The following CCDC148 variants were observed in gnomAD, a reference collection of about 807,000 sequenced individuals.
CCDC148 encodes coiled-coil domain containing 148.
CCDC148 carries 89 observed loss-of-function variants against 85.7 expected under a neutral mutation model. The observed-to-expected ratio is 1.04, with a 90% CI of 0.87 to 1.24. The LOEUF is 1.24. Among genes scored for constraint, CCDC148 ranks in the 50% most tolerant of loss-of-function variants. The probability of loss-of-function intolerance (pLI) is 0.00; values close to 1 mark genes in which losing one functional copy is unlikely to be tolerated. For missense variants in CCDC148, 692 were observed against 671.7 expected (o/e 1.03, Z -0.33); for synonymous variants, 230 against 213.9 (o/e 1.08, Z -0.66).
intron 1 of CCDC148, among the ~76,000 whole-genome samples, chr2:158,444,920 G>A (rs527301748): frequency 2.2e-4 from 33 of 151,918 alleles, no homozygotes; most frequent in African/African-American, 6.8e-4. Context: ...AAAGAAGGGG[G>A]GAAACAAAAA....
intron 9 of CCDC148, among the ~76,000 whole-genome samples, chr2:158,275,083 A>G (rs947063707): frequency 6.6e-6 from 1 of 152,208 alleles, no homozygotes; most frequent in African/African-American, 2.4e-5. Context: ...GGAAGAAGAA[A>G]CACTTGCTCT....
chr2:158,384,252 G>A (rs13388895), intron 1 of CCDC148, among the ~76,000 whole-genome samples: 8,769 of 152,162 alleles, frequency 0.058, 484 homozygotes, highest in African/African-American at 0.15. Context: ...CTTTGAAAGT[G>A]ATAAAGTTTA....
At position 158,278,073 on chromosome 2, in the gene CCDC148, T is replaced by C. The variant is rs113489745; in HGVS notation, c.1111-27161A>G. ...TCTAACCAGATCCACAAATAATCTA[T>C]GTTATTAACATTTTTCCTTAAATTG... On this transcript the variant is annotated intron_variant, in intron 9 of 13. Transcript: ENST00000283233. Among the ~76,000 whole-genome samples the C allele has an allele frequency of 7.3e-3, 1,115 of 152,344 alleles. 9 individuals carry two copies. The highest frequency in any genetic ancestry group is 0.021 in the African/African-American group (878 of 41,572).
chr2:158,379,289 A>C (rs1053224355), intron 1 of CCDC148, among the ~76,000 whole-genome samples: 4 of 152,166 alleles, frequency 2.6e-5, no homozygotes, highest in Admixed American at 6.6e-5. Context: ...GAGCCTGAAG[A>C]TGTGACTGAA....
intron 9 of CCDC148, among the ~76,000 whole-genome samples, chr2:158,292,662 C>A (rs1189472511): frequency 1.3e-5 from 2 of 152,150 alleles, no homozygotes; most frequent in African/African-American, 2.4e-5. Flanking sequence ...CTACAAAAGG[C>A]AGTTAGATCT....
chr2:158,382,134 C>T (rs2105289158), intron 1 of CCDC148, among the ~76,000 whole-genome samples: 1 of 152,250 alleles, frequency 6.6e-6, no homozygotes, highest in Admixed American at 6.5e-5. Flanking sequence ...AAGTCCTCAT[C>T]TTGCCTCATC....
At chr2:158,447,782 T>C (rs1688221609) in intron 1 of CCDC148, among the ~76,000 whole-genome samples, 1 of 152,216 alleles carries the variant, frequency 6.6e-6, no homozygotes, top group South Asian at 2.1e-4. Context: ...TTATATATTC[T>C]AGATACAAGT....
At chr2:158,195,602 C>T (rs1455425087) in intron 11 of CCDC148, among the ~76,000 whole-genome samples, 1 of 152,138 alleles carries the variant, frequency 6.6e-6, no homozygotes, top group African/African-American at 2.4e-5. Context: ...CTCAGAGCCT[C>T]CCTTTTTGGT....
chr2:158,314,756 A>G (rs1360518772), intron 7 of CCDC148, among the ~76,000 whole-genome samples: 2 of 152,236 alleles, frequency 1.3e-5, no homozygotes, highest in African/African-American at 4.8e-5. Context: ...ATGCAATCAG[A>G]GGGAATATTA....
chr2:158,300,232 G>A (rs1408217834), intron 9 of CCDC148, among the ~76,000 whole-genome samples: 1 of 152,166 alleles, frequency 6.6e-6, no homozygotes. Context: ...ACTGTGTCAG[G>A]AGGTATTGAG....
At position 158,250,882 on chromosome 2, in the gene CCDC148, C is replaced by T; in HGVS notation, c.1141G>A (p.Val381Ile). 1.2e-6 allele frequency: 2 copies of T among 1,606,700 alleles called. No homozygotes were observed. The highest frequency in any genetic ancestry group is 8.5e-7 in the Non-Finnish European group (1 of 1,178,200). Residue 381 changes from valine to isoleucine, a missense_variant, in exon 10 of 14, where the codon GTA becomes ATA. Physicochemically the swap from Val to Ile is conservative, Grantham distance 29. Coordinates refer to ENST00000283233, the MANE Select transcript of CCDC148 (RefSeq NM_138803.4). ...VRQWRAHQEEVARLEMEISAR... is the reference protein window; with the variant it reads ...VRQWRAHQEEIARLEMEISAR... ...GAAATTTCCATTTCCAGTCTTGCTA[C>T]CTCTTCTTGGTGGGCTCGCCATTGA... is the stretch of plus-strand genomic sequence containing the variant.
chr2:158,201,191 G>A (rs1042805082), intron 11 of CCDC148, among the ~76,000 whole-genome samples: 8 of 151,808 alleles, frequency 5.3e-5, no homozygotes, highest in Non-Finnish European at 7.4e-5. Context: ...TAATATCACC[G>A]TTTTGAAATT....
intron 9 of CCDC148, among the ~76,000 whole-genome samples, chr2:158,300,962 C>T (rs1383364156): frequency 6.6e-6 from 1 of 152,188 alleles, no homozygotes; most frequent in Admixed American, 6.5e-5. Flanking sequence ...TCAAGAAATC[C>T]TCCTGCCTCA....
chr2:158,376,175 A>G (rs1326382320), intron 1 of CCDC148, among the ~76,000 whole-genome samples: 1 of 152,138 alleles, frequency 6.6e-6, no homozygotes, highest in African/African-American at 2.4e-5. Flanking sequence ...CAATAGTAGC[A>G]TGAAAAAATT....
intron 10 of CCDC148, among the ~76,000 whole-genome samples, chr2:158,232,140 C>T (rs1687885433): frequency 6.6e-6 from 1 of 152,064 alleles, no homozygotes; most frequent in Non-Finnish European, 1.5e-5. Context: ...TACAGAAAAA[C>T]AAAAGAAGCA....
chr2:158,224,245 G>A (rs945362913), intron 10 of CCDC148, among the ~76,000 whole-genome samples: 3 of 152,200 alleles, frequency 2.0e-5, no homozygotes, highest in African/African-American at 7.2e-5. Context: ...GAAATGAAGC[G>A]AGAAGAGAAG....
At chr2:158,255,467 C>T (rs1338801882) in intron 9 of CCDC148, among the ~76,000 whole-genome samples, 2 of 151,522 alleles carry the variant, frequency 1.3e-5, no homozygotes, top group Non-Finnish European at 1.5e-5. Context: ...TTGAAATAAC[C>T]CTTATCCAAT....
chr2:158,354,894 A>G (rs1314517746), intron 2 of CCDC148, among the ~76,000 whole-genome samples: 9 of 151,764 alleles, frequency 5.9e-5, no homozygotes, highest in Admixed American at 3.9e-4. Context: ...TCAAGTGGGC[A>G]TCATCCCTGG....
chr2:158,356,126 C>T (rs1336081062), intron 2 of CCDC148, among the ~76,000 whole-genome samples: 3 of 127,894 alleles, frequency 2.3e-5, no homozygotes, highest in Admixed American at 7.4e-5. Context: ...CCATAAAAAC[C>T]CTAGAAGAAA....
Sources: gnomAD v4.1 joint callset for allele counts (sites outside exome capture counted in the v4.1 genomes callset) on GRCh38, gnomAD v4.1.1 for gene constraint, MANE v1.5 for transcripts, NCBI Gene and HGNC (gene_info 2026-07-23, HGNC 2026-07-21) for gene names.